The following NALF2 variants were observed in gnomAD, a reference collection of about 807,000 sequenced individuals.
NALF2 encodes bB57D9.1 (TED protein).
In NALF2, 1 loss-of-function variant was observed where a neutral mutation model predicts 24.8. The observed-to-expected ratio is 0.04, with a 90% CI of 0.01 to 0.19. The LOEUF (loss-of-function observed/expected upper bound fraction) is 0.19, where lower values mean the gene tolerates loss of function less well. Ranked by LOEUF, NALF2 falls within the 10% of genes least tolerant of loss-of-function variation. NALF2 has a pLI of 1.00. For missense variants in NALF2, 458 were observed against 409.6 expected, an observed-to-expected ratio of 1.12 and a Z score of -1.02; for synonymous variants, 254 against 189.8, an observed-to-expected ratio of 1.34 and a Z score of -2.78.
chrX:69,508,284 C>T (rs1416158977), intron 1 of NALF2, among the ~76,000 whole-genome samples: 1 of 111,728 alleles, frequency 9.0e-6, no homozygotes, highest in East Asian at 2.8e-4. Context: ...ACTAGCACCA[C>T]TACTCCCATT....
In NALF2 at chrX:69,504,983, C is replaced by CCACCGCCCCAGTGCCCCG. The variant is rs1930432357; in HGVS notation, c.-290_-273dup. ...GAGTGCGGCGCCGCCGCCGCAGCCG[C>CCACCGCCCCAGTGCCCCG]CACCGCCCCAGTGCCCCGCACCGCC... On this transcript the variant is annotated 5_prime_UTR_variant, in exon 1 of 3. Transcript: ENST00000252338. Among the ~76,000 whole-genome samples the CCACCGCCCCAGTGCCCCG allele has an allele frequency of 9.3e-6, 1 of 106,996 alleles. No individual in the cohort carries two copies. The highest frequency in any genetic ancestry group is 3.3e-5 in the African/African-American group (1 of 30,102). 92.9% of individuals were successfully genotyped at this position (106,996 alleles called of 115,157 possible). A position where few individuals can be genotyped will look rare whatever the true frequency, so the allele number is the denominator to read the frequency against.
At position 69,505,473 on chromosome X, in the gene NALF2, G is replaced by A; in HGVS notation, c.191G>A (p.Cys64Tyr). The change falls in exon 1 of 3, where the codon TGC (cysteine) becomes TAC (tyrosine). Residue 64 changes from cysteine to tyrosine, a missense_variant. Cys to Tyr is a radical substitution (Grantham distance 194). Transcript: ENST00000252338. ...TVLLADHLWLCAGARPRAREL... is the reference protein window; with the variant it reads ...TVLLADHLWLYAGARPRAREL... ...CTGCTCGCTGACCATCTGTGGCTGT[G>A]CGCGGGGGCCCGGCCCCGGGCCAGG... 9.0e-7 allele frequency: 1 copy of A among 1,105,548 alleles called. No individual in the cohort carries two copies. The allele number at this position is 1,105,548 out of a possible 1,213,427, so 91.1% of individuals were successfully genotyped here.
chrX:69,506,310 C>T (rs1930485963), intron 1 of NALF2, among the ~76,000 whole-genome samples, 167 bp downstream of exon 1: 1 of 112,742 alleles, frequency 8.9e-6, no homozygotes, highest in Non-Finnish European at 1.9e-5. Context: ...GTGAAGAGGC[C>T]TCAGGGATTC....
Position 69,504,665 on chromosome X carries a change from C to T in NALF2, c.-618C>T, listed in dbSNP as rs942735319. Among the ~76,000 whole-genome samples, 28 of 112,536 alleles carry T rather than the reference C, an allele frequency of 2.5e-4. No individual in the cohort carries two copies. The highest frequency in any genetic ancestry group is 8.7e-4 in the African/African-American group (27 of 31,185). ...CCAGGGACTGGCCCCGGCGAACACC[C>T]GGAGCGCGAACGAAGCCCGAAGGGC... On this transcript the variant is annotated 5_prime_UTR_variant, in exon 1 of 3. Coordinates refer to ENST00000252338, the MANE Select transcript of NALF2 (RefSeq NM_015686.3).
Position 69,530,176 on chromosome X carries a change from G to A in NALF2, c.*220G>A, listed in dbSNP as rs1473951304. On this transcript the variant is annotated 3_prime_UTR_variant, in exon 3 of 3. Transcript: ENST00000252338. ...CTGCAAAACTCATCCAGGAGAAAAA[G>A]GCAGGAGCAGCAAGTGACCCCTCCC... 1 of 369,316 alleles carries A rather than the reference G, an allele frequency of 2.7e-6. No homozygotes were observed. The highest frequency in any genetic ancestry group is 4.6e-6 in the Non-Finnish European group (1 of 216,006). The allele number at this position is 369,316 out of a possible 1,213,427, so 30.4% of individuals were successfully genotyped here.
At chrX:69,526,705 G>A (rs1930813198) in intron 1 of NALF2, among the ~76,000 whole-genome samples, 1 of 110,873 alleles carries the variant, frequency 9.0e-6, no homozygotes, top group African/African-American at 3.3e-5. Context: ...TCCTCTCTGA[G>A]GAGAGGACAT....
intron 1 of NALF2, among the ~76,000 whole-genome samples, chrX:69,525,019 G>C (rs896559289): frequency 5.4e-5 from 6 of 111,301 alleles, no homozygotes; most frequent in African/African-American, 1.6e-4. Flanking sequence ...GGACTGAGTG[G>C]GGAGGTCGTC....
intron 1 of NALF2, 75 bp from the exon 2 acceptor site, chrX:69,528,914 CAAGT>C (rs1930848689): frequency 9.4e-7 from 1 of 1,060,746 alleles, no homozygotes; most frequent in South Asian, 2.4e-5. Context: ...TGAGAGACCA[CAAGT>C]AAGTCCTCCC....
At position 69,505,281 on chromosome X, in the gene NALF2, A is replaced by T; in HGVS notation, c.-2A>T. The T allele has an allele frequency of 1.8e-6, 2 of 1,142,505 alleles. No individual in the cohort carries two copies. The highest frequency in any genetic ancestry group is 2.3e-6 in the Non-Finnish European group (2 of 862,204). 94.2% of individuals were successfully genotyped at this position (1,142,505 alleles called of 1,213,427 possible). ...TCCCTCCAGCCCGGACCCCCCTGAA[A>T]TATGTTCAGGGGCGCTTGGATGTGG... On this transcript the variant is annotated 5_prime_UTR_variant, in exon 1 of 3. Transcript: ENST00000252338.
chrX:69,508,427 A>T (rs368060391), intron 1 of NALF2, among the ~76,000 whole-genome samples: 45 of 109,354 alleles, frequency 4.1e-4, no homozygotes, highest in African/African-American at 1.5e-3. Context: ...ATGGCCTCAC[A>T]TCAAGTTCCT....
intron 1 of NALF2, among the ~76,000 whole-genome samples, chrX:69,526,455 G>A (rs922834845): frequency 3.6e-5 from 4 of 111,994 alleles, no homozygotes; most frequent in Admixed American, 9.4e-5. Flanking sequence ...TTTCATGAGC[G>A]TAGGGACATG....
At chrX:69,515,401 G>A (rs1930648272) in intron 1 of NALF2, among the ~76,000 whole-genome samples, 1 of 112,378 alleles carries the variant, frequency 8.9e-6, no homozygotes, top group Admixed American at 9.4e-5. Flanking sequence ...TAGATGTACA[G>A]AATCAAAGAG....
intron 1 of NALF2, among the ~76,000 whole-genome samples, chrX:69,528,088 C>T (rs1930834372): frequency 9.0e-6 from 1 of 110,507 alleles, no homozygotes; most frequent in African/African-American, 3.3e-5. Context: ...CAGTATCCTG[C>T]AGTGTACAGG....
At chrX:69,528,848 A>G in intron 1 of NALF2, 145 bp from the exon 2 acceptor site, 1 of 516,127 alleles carries the variant, frequency 1.9e-6, no homozygotes, top group Non-Finnish European at 3.0e-6. Flanking sequence ...GCCTTGATCC[A>G]AGCCCTTCTT....
At chrX:69,515,713 T>C (rs1930652033) in intron 1 of NALF2, among the ~76,000 whole-genome samples, 1 of 112,645 alleles carries the variant, frequency 8.9e-6, no homozygotes, top group Non-Finnish European at 1.9e-5. Context: ...ACATGCTTTT[T>C]TGTATGTATT....
chrX:69,505,954 G>C lies in NALF2; in HGVS notation c.672G>C (p.Leu224=). 2 of 1,212,131 alleles carry C rather than the reference G, an allele frequency of 1.6e-6. No homozygotes were observed. Among genetic ancestry groups the C allele is most frequent in the South Asian group, 1.8e-5 (1 of 56,997 alleles). The change falls in exon 1 of 3, where the codon CTG becomes CTC. Residue 224 remains leucine, a synonymous_variant. Transcript: ENST00000252338. ...GCCTGGACTGTAGCCTGGACACCCT[G>C]ATGGGGGACCTGCTGGCCGTGGTGG... is the stretch of plus-strand genomic sequence containing the variant. The part of the protein sequence containing the change: ...PDSLDCSLDT[L]MGDLLAVVAS...
rs1052255276 is a variant in NALF2 at position 69,511,489 on chromosome X, C to T, written c.861+5346C>T. On this transcript the variant is annotated intron_variant, in intron 1 of 2. Coordinates refer to ENST00000252338, the MANE Select transcript of NALF2 (RefSeq NM_015686.3). ...CGTTACCATTCAGGGTAGACATGTACATGTGTGCATGCACACACAGACACA... is the reference window on the plus strand; with the variant it reads ...CGTTACCATTCAGGGTAGACATGTATATGTGTGCATGCACACACAGACACA... Among the ~76,000 whole-genome samples the T allele has an allele frequency of 3.6e-5, 4 of 112,017 alleles. No individual in the cohort carries two copies. The East Asian group carries it at 1.1e-3, about 31-fold the overall frequency.
Position 69,529,049 on chromosome X carries a change from C to G in NALF2, c.918C>G (p.Cys306Trp). 1 of 1,210,563 alleles carries G rather than the reference C, an allele frequency of 8.3e-7. No homozygotes were observed. ...SEYFSVTQQE[C>W]QRWVPCKQYC... ...ACTTCAGCGTGACCCAGCAGGAATG[C>G]CAGCGCTGGGTGCCCTGCAAGCAAT... is the stretch of plus-strand genomic sequence containing the variant. Residue 306 changes from cysteine (C) to tryptophan (W), a missense_variant, in exon 2 of 3, where the codon TGC becomes TGG. Physicochemically the swap from Cys to Trp is radical, Grantham distance 215. Coordinates refer to ENST00000252338, the MANE Select transcript of NALF2 (RefSeq NM_015686.3).
chrX:69,505,465 G>A lies in NALF2; in HGVS notation c.183G>A (p.Leu61=). The A allele has an allele frequency of 9.0e-7, 1 of 1,114,866 alleles. No homozygotes were observed. The highest frequency in any genetic ancestry group is 1.2e-6 in the Non-Finnish European group (1 of 850,684). 91.9% of individuals were successfully genotyped at this position (1,114,866 alleles called of 1,213,427 possible). A position where few individuals can be genotyped will look rare whatever the true frequency, so the allele number is the denominator to read the frequency against. ...TCACCGTGCTGCTCGCTGACCATCT[G>A]TGGCTGTGCGCGGGGGCCCGGCCCC... The part of the protein sequence containing the change: ...LFFTVLLADH[L]WLCAGARPRA... Residue 61 remains leucine (L), a synonymous_variant, in exon 1 of 3, where the codon CTG becomes CTA. Coordinates refer to ENST00000252338, the MANE Select transcript of NALF2 (RefSeq NM_015686.3).
Sources: gnomAD v4.1 joint callset for allele counts (sites outside exome capture counted in the v4.1 genomes callset) on GRCh38, gnomAD v4.1.1 for gene constraint, MANE v1.5 for transcripts, NCBI Gene and HGNC (gene_info 2026-07-23, HGNC 2026-07-21) for gene names.